CNTNAP5: variants seen among roughly 807,000 people sequenced by gnomAD.
The protein encoded by CNTNAP5 is contactin associated protein family member 5.
A neutral mutation model predicts 150.2 loss-of-function variants in CNTNAP5; 72 were observed. The observed-to-expected ratio is 0.48, with a 90% CI of 0.40 to 0.58. The LOEUF is 0.58. CNTNAP5 is among the 20% of genes least tolerant of loss of function. The pLI is 0.00. For missense variants in CNTNAP5, 1,636 were observed against 1,626.2 expected (o/e 1.01, Z -0.10); for synonymous variants, 672 against 619.8 (o/e 1.08, Z -1.25).
chr2:124,503,333 C>A (rs1339264434), intron 7 of CNTNAP5, among the ~76,000 whole-genome samples: 1 of 152,176 alleles, frequency 6.6e-6, no homozygotes, highest in Non-Finnish European at 1.5e-5. Context: ...GGAATCAAAC[C>A]ACTACGCTGC....
intron 3 of CNTNAP5, among the ~76,000 whole-genome samples, chr2:124,341,816 TGAGA>T (rs757530488): frequency 3.9e-5 from 6 of 152,290 alleles, no homozygotes; most frequent in Non-Finnish European, 5.9e-5. Flanking sequence ...TTGCGTGTTA[TGAGA>T]GAATGTCTAT....
At chr2:124,431,802 T>G (rs937719328) in intron 4 of CNTNAP5, among the ~76,000 whole-genome samples, 2 of 151,680 alleles carry the variant, frequency 1.3e-5, no homozygotes, top group Non-Finnish European at 2.9e-5. Context: ...ATTGAATACA[T>G]TGTTATGCAC....
At chr2:124,335,691 A>G (rs780643974) in intron 3 of CNTNAP5, among the ~76,000 whole-genome samples, 3 of 151,664 alleles carry the variant, frequency 2.0e-5, no homozygotes, top group Non-Finnish European at 4.4e-5. Flanking sequence ...TTTACCACTC[A>G]CTCAACTGGA....
At chr2:124,580,853 AAGG>A (rs1174120267) in intron 11 of CNTNAP5, among the ~76,000 whole-genome samples, 3 of 152,228 alleles carry the variant, frequency 2.0e-5, no homozygotes, top group Non-Finnish European at 4.4e-5. Context: ...AATAGATATA[AAGG>A]AGAAGTTCAG....
intron 13 of CNTNAP5, among the ~76,000 whole-genome samples, chr2:124,693,739 T>C (rs1057366923): frequency 3.4e-5 from 5 of 148,668 alleles, no homozygotes; most frequent in African/African-American, 1.2e-4. Flanking sequence ...TATTTTTCAA[T>C]AGAGTGGAAA....
chr2:124,408,075 C>T (rs537013908), intron 3 of CNTNAP5, among the ~76,000 whole-genome samples: 451 of 152,316 alleles, frequency 3.0e-3, no homozygotes, highest in Non-Finnish European at 5.6e-3. Context: ...ACTTGGGAAG[C>T]GCAAGGGGTC....
At chr2:124,538,059 C>T (rs900174903) in intron 10 of CNTNAP5, among the ~76,000 whole-genome samples, 2 of 152,124 alleles carry the variant, frequency 1.3e-5, no homozygotes, top group African/African-American at 4.8e-5. Flanking sequence ...CTTCCAAAGA[C>T]GAGGAGTTCA....
intron 3 of CNTNAP5, among the ~76,000 whole-genome samples, chr2:124,339,128 T>C (rs1309658026): frequency 6.6e-6 from 1 of 152,184 alleles, no homozygotes; most frequent in Non-Finnish European, 1.5e-5. Flanking sequence ...AGGTAAATTT[T>C]ATACCCACCT....
intron 3 of CNTNAP5, among the ~76,000 whole-genome samples, chr2:124,356,305 T>C (rs961873950): frequency 5.6e-5 from 8 of 143,602 alleles, no homozygotes; most frequent in African/African-American, 2.2e-4. Context: ...AACCTCAACA[T>C]CTTTTTTTTT....
rs1209792288 is a variant in CNTNAP5 at position 124,320,708 on chromosome 2, T to A, written c.381+78315T>A. On this transcript the variant is annotated intron_variant, in intron 3 of 23. Coordinates refer to ENST00000682447, the MANE Select transcript of CNTNAP5 (RefSeq NM_001367498.1). ...AAAAATACTTTCCTCATAATTAAAT[T>A]GTCTGTATTTAATTATTTAAAGTAT... Among the ~76,000 whole-genome samples, 3 of 152,114 alleles carry A rather than the reference T, an allele frequency of 2.0e-5. No homozygotes were observed. The East Asian group carries it at 5.8e-4, about 29-fold the overall frequency.
chr2:124,711,582 G>A (rs891060575), intron 13 of CNTNAP5, among the ~76,000 whole-genome samples: 2 of 152,096 alleles, frequency 1.3e-5, no homozygotes, highest in Admixed American at 6.6e-5. Context: ...AAAATAATTT[G>A]TATTTGAGGC....
At chr2:124,181,113 G>C (rs570034303) in intron 1 of CNTNAP5, among the ~76,000 whole-genome samples, 10 of 151,844 alleles carry the variant, frequency 6.6e-5, no homozygotes, top group Non-Finnish European at 1.0e-4. Context: ...TTTCTTCTGT[G>C]TTCACATTTT....
At chr2:124,806,815 G>T (rs958512366) in intron 19 of CNTNAP5, among the ~76,000 whole-genome samples, 1 of 152,136 alleles carries the variant, frequency 6.6e-6, no homozygotes, top group Non-Finnish European at 1.5e-5. Context: ...TCTGTAAAGG[G>T]CTTGGAGAAA....
At chr2:124,832,708 A>G (rs747412891) in intron 19 of CNTNAP5, among the ~76,000 whole-genome samples, 31 of 152,248 alleles carry the variant, frequency 2.0e-4, no homozygotes, top group Non-Finnish European at 3.5e-4. Context: ...TGTAAGATAA[A>G]CAAAATCTCC....
chr2:124,626,364 A>G (rs1459247760), intron 12 of CNTNAP5, among the ~76,000 whole-genome samples: 1 of 152,114 alleles, frequency 6.6e-6, no homozygotes, highest in African/African-American at 2.4e-5. Flanking sequence ...TGCATTTCCA[A>G]CTGAGGTACC....
At chr2:124,824,170 G>A (rs1057038327) in intron 19 of CNTNAP5, among the ~76,000 whole-genome samples, 32 of 151,774 alleles carry the variant, frequency 2.1e-4, no homozygotes, top group African/African-American at 7.0e-4. Context: ...TGCCCTCCTC[G>A]GCTTCCCAAA....
chr2:124,197,553 C>A (rs984973050), intron 1 of CNTNAP5, among the ~76,000 whole-genome samples: 1 of 152,168 alleles, frequency 6.6e-6, no homozygotes, highest in African/African-American at 2.4e-5. Flanking sequence ...TCACACATAT[C>A]CTAGCACACA....
chr2:124,092,086 C>G (rs1275333495), intron 1 of CNTNAP5, among the ~76,000 whole-genome samples: 1 of 152,104 alleles, frequency 6.6e-6, no homozygotes, highest in South Asian at 2.1e-4. Context: ...TTCTGAGTAC[C>G]CTTCCTTTTT....
intron 3 of CNTNAP5, among the ~76,000 whole-genome samples, chr2:124,322,161 TAATAAAATAAAATAA>T (rs10524229): frequency 0.086 from 12,754 of 149,092 alleles, 710 homozygotes; most frequent in African/African-American, 0.14. Flanking sequence ...AAAATAATAA[TAATAAAATAAAATAA>T]AATAAAATAA....
Sources: allele counts gnomAD v4.1 joint callset (sites outside exome capture counted in the v4.1 genomes callset), GRCh38; gene constraint gnomAD v4.1.1; transcripts MANE v1.5; gene names NCBI Gene and HGNC (gene_info 2026-07-23, HGNC 2026-07-21).